Variants in GGCT observed in about 807,000 individuals in gnomAD.
The protein encoded by GGCT is cytochrome c-releasing factor 21.
In GGCT, 20 loss-of-function variants were observed where a neutral mutation model predicts 22.1. The observed-to-expected ratio is 0.91, with a 90% confidence interval of 0.64 to 1.32. GGCT has a LOEUF of 1.32. Ranked by LOEUF, GGCT falls within the 40% of genes most tolerant of loss-of-function variation. GGCT has a pLI of 0.00. For synonymous variants in GGCT, 72 were observed against 78.4 expected, an observed-to-expected ratio of 0.92 and a Z score of 0.43; for missense variants, 209 against 223.5, an observed-to-expected ratio of 0.94 and a Z score of 0.41.
rs1480972314 is a variant in GGCT, at chr7:30,504,810, G to C, written c.-101C>G. On this transcript the variant is annotated 5_prime_UTR_variant, in exon 1 of 4. Transcript: ENST00000275428. ...TACCCCGGCGCAGTGACCGCCGCGC[G>C]GCAGCCTCAGGGTTAGGGGACTGGC... is the stretch of plus-strand genomic sequence containing the variant. 5 of 1,218,852 alleles carry C rather than the reference G, an allele frequency of 4.1e-6. No individual in the cohort carries two copies. The highest frequency in any genetic ancestry group is 4.7e-5 in the East Asian group (2 of 42,858). The allele number at this position is 1,218,852 out of a possible 1,614,324, so 75.5% of individuals were successfully genotyped here.
chr7:30,500,072 T>C, intron 2 of GGCT, among the ~76,000 whole-genome samples: 1 of 152,242 alleles, frequency 6.6e-6, no homozygotes, highest in Non-Finnish European at 1.5e-5. Context: ...CTGAGAGCTC[T>C]AGTCATAAAA....
rs563314116 is a variant in GGCT at position 30,503,443 on chromosome 7, G to A, written c.141+1126C>T. Among the ~76,000 whole-genome samples the A allele has an allele frequency of 1.1e-4, 17 of 152,226 alleles. No homozygotes were observed. In the South Asian group the frequency reaches 3.5e-3, roughly 32 times the overall value. On this transcript the variant is annotated intron_variant, in intron 1 of 3. Transcript: ENST00000275428. The stretch of plus-strand genomic sequence containing the variant: ...GCTTAAAATCACGGCATGGGTACGT[G>A]GCCAAAACTTAGCCAATCGGGACAT...
intron 3 of GGCT, chr7:30,497,979 G>A: frequency 2.3e-6 from 1 of 440,808 alleles, no homozygotes; most frequent in Non-Finnish European, 3.8e-6. Flanking sequence ...AAAATACTGT[G>A]TTACGGGGAG....
In GGCT at chr7:30,498,947, A is replaced by G; in HGVS notation, c.288-9T>C. On this transcript the variant is annotated splice_polypyrimidine_tract_variant and intron_variant, in intron 2 of 3. Coordinates refer to ENST00000275428, the MANE Select transcript of GGCT (RefSeq NM_024051.4). ...TTTTAACCCCTTCTTGCCTGAAACC[A>G]GAACAGCCAAATTTTAACCACATTT... 1 of 1,613,906 alleles carries G rather than the reference A, an allele frequency of 6.2e-7. No individual in the cohort carries two copies. Among genetic ancestry groups the G allele is most frequent in the Middle Eastern group, 1.6e-4 (1 of 6,062 alleles).
At chr7:30,497,768 G>A (rs1404557011) in intron 3 of GGCT, 8 of 1,445,386 alleles carry the variant, frequency 5.5e-6, no homozygotes, top group Middle Eastern at 1.8e-4. Context: ...ACCTGATTGG[G>A]CCTGCCAACA....
At chr7:30,499,653 G>A (rs1470091357) in intron 2 of GGCT, among the ~76,000 whole-genome samples, 1 of 151,830 alleles carries the variant, frequency 6.6e-6, no homozygotes, top group African/African-American at 2.4e-5. Flanking sequence ...CAGAGGTTGG[G>A]GTGAGCCGAG....
At chr7:30,497,406 G>C in intron 3 of GGCT, 171 bp from the exon 4 acceptor site, 1 of 469,660 alleles carries the variant, frequency 2.1e-6, no homozygotes, top group Admixed American at 3.9e-5. Context: ...CTCACACTGA[G>C]CATGAATGTG....
chr7:30,500,785 CA>C (rs1789682859), intron 1 of GGCT, 104 bp from the exon 2 acceptor site: 1 of 803,146 alleles, frequency 1.2e-6, no homozygotes, highest in Non-Finnish European at 2.0e-6. Flanking sequence ...TTAAAACAGT[CA>C]ATAAACTGAG....
rs749348869 is a variant in GGCT at position 30,496,991 on chromosome 7, A to C, written c.*101T>G. On this transcript the variant is annotated 3_prime_UTR_variant, in exon 4 of 4. Transcript: ENST00000275428. ...AAGATACTCCTTCAGAGCACTGCTGAAAATGGATCAAACGTGGAGATCCCC... is the reference window on the plus strand; with the variant it reads ...AAGATACTCCTTCAGAGCACTGCTGCAAATGGATCAAACGTGGAGATCCCC... 1.2e-5 allele frequency: 9 copies of C among 737,690 alleles called. No homozygotes were observed. The highest frequency in any genetic ancestry group is 1.9e-5 in the Non-Finnish European group (9 of 465,528). The allele number at this position is 737,690 out of a possible 1,614,324, so 45.7% of individuals were successfully genotyped here. A position where few individuals can be genotyped will look rare whatever the true frequency, so the allele number is the denominator to read the frequency against.
At chr7:30,499,225 T>C (rs1457018093) in intron 2 of GGCT, among the ~76,000 whole-genome samples, 2 of 151,296 alleles carry the variant, frequency 1.3e-5, no homozygotes, top group Non-Finnish European at 2.9e-5. Flanking sequence ...CTGGCCAACA[T>C]GGTGAAACGC....
chr7:30,500,406 T>C, intron 2 of GGCT, 130 bp downstream of exon 2: 1 of 626,504 alleles, frequency 1.6e-6, no homozygotes, highest in Non-Finnish European at 2.7e-6. Flanking sequence ...CCTTTTATGT[T>C]GACTCTAAAA....
In GGCT at chr7:30,497,048, T is replaced by C. The variant is rs892830262; in HGVS notation, c.*44A>G. The C allele has an allele frequency of 1.5e-6, 2 of 1,320,390 alleles. No individual in the cohort carries two copies. The highest frequency in any genetic ancestry group is 3.0e-5 in the African/African-American group (2 of 66,414). The allele number at this position is 1,320,390 out of a possible 1,614,324, so 81.8% of individuals were successfully genotyped here. ...CCTGTTCTCAAGTGTTAAAAATATT[T>C]TATATTAGCACATAGAATACCCTTA... On this transcript the variant is annotated 3_prime_UTR_variant, in exon 4 of 4. Coordinates refer to ENST00000275428, the MANE Select transcript of GGCT (RefSeq NM_024051.4).
At chr7:30,499,355 C>T (rs976098311) in intron 2 of GGCT, among the ~76,000 whole-genome samples, 5 of 150,504 alleles carry the variant, frequency 3.3e-5, no homozygotes, top group African/African-American at 4.9e-5. Flanking sequence ...TGCAGTGAGC[C>T]GAGATTGCAC....
intron 1 of GGCT, among the ~76,000 whole-genome samples, chr7:30,501,390 G>C (rs1221595409): frequency 6.6e-6 from 1 of 152,182 alleles, no homozygotes; most frequent in Non-Finnish European, 1.5e-5. Context: ...TTTGTACACA[G>C]TGCTATTGGC....
Position 30,504,572 on chromosome 7 carries a change from C to T in GGCT, c.138G>A (p.Leu46=), listed in dbSNP as rs1789784829. 1 of 1,613,582 alleles carries T rather than the reference C, an allele frequency of 6.2e-7. No homozygotes were observed. The highest frequency in any genetic ancestry group is 1.1e-5 in the South Asian group (1 of 91,090). ...TAGCGCGGGAGGGGGCACTCACCTG[C>T]AGGCGGGCCACACAGAAGAACGCCG... ...PSAAFFCVAR[L]QDFKLDFGNS... is the part of the protein sequence containing the mutation. Residue 46 remains leucine, a synonymous_variant, in exon 1 of 4, where the codon CTG becomes CTA. Coordinates refer to ENST00000275428, the MANE Select transcript of GGCT (RefSeq NM_024051.4).
chr7:30,498,568 C>T (rs574446084), intron 3 of GGCT, among the ~76,000 whole-genome samples: 13 of 152,130 alleles, frequency 8.5e-5, no homozygotes, highest in African/African-American at 3.1e-4. Flanking sequence ...TACAGGTGCT[C>T]GCCACCACGG....
intron 1 of GGCT, among the ~76,000 whole-genome samples, chr7:30,503,448 A>G (rs1015625878): frequency 6.6e-6 from 1 of 152,170 alleles, no homozygotes; most frequent in Non-Finnish European, 1.5e-5. Flanking sequence ...TACGTGGCCA[A>G]AACTTAGCCA....
At chr7:30,497,815 G>A in intron 3 of GGCT, 1 of 1,458,228 alleles carries the variant, frequency 6.9e-7, no homozygotes, top group Middle Eastern at 1.8e-4. Context: ...GAATTTTGGG[G>A]TCTCTATCCC....
chr7:30,497,194 C>G lies in GGCT; in HGVS notation c.465G>C (p.Glu155Asp). 1 of 1,611,668 alleles carries G rather than the reference C, an allele frequency of 6.2e-7. No individual in the cohort carries two copies. ...CTATTGCTTTTAACTTCTCTTGATA[C>G]TCCAGCGGCAAACCATTTTCTTTTG... Reference protein sequence around the residue: ...MGAKENGLPLEYQEKLKAIEP... With the variant: ...MGAKENGLPLDYQEKLKAIEP... The change falls in exon 4 of 4, where the codon GAG becomes GAC. Residue 155 changes from glutamate to aspartate, a missense_variant. Glu to Asp is a conservative substitution (Grantham distance 45). Coordinates refer to ENST00000275428, the MANE Select transcript of GGCT (RefSeq NM_024051.4).
Sources: gnomAD v4.1 joint callset for allele counts (sites outside exome capture counted in the v4.1 genomes callset) on GRCh38, gnomAD v4.1.1 for gene constraint, MANE v1.5 for transcripts, NCBI Gene and HGNC (gene_info 2026-07-23, HGNC 2026-07-21) for gene names.